Variants in SDK1 observed in about 807,000 individuals in gnomAD.
SDK1 encodes protein sidekick-1.
Under a neutral mutation model 245.5 loss-of-function variants are expected in SDK1, and 157 were observed. That is an observed-to-expected ratio of 0.64 (90% CI 0.56 to 0.73). The LOEUF (loss-of-function observed/expected upper bound fraction) is 0.73. Among genes scored for constraint, SDK1 ranks in the 30% least tolerant of loss-of-function variants. The pLI is 0.00. For missense variants in SDK1, 3,583 were observed against 3,002.3 expected (o/e 1.19, Z -4.52); for synonymous variants, 1,647 against 1,278.5 (o/e 1.29, Z -6.15).
chr7:3,780,361 G>T (rs900795736), intron 4 of SDK1, among the ~76,000 whole-genome samples: 9 of 152,236 alleles, frequency 5.9e-5, no homozygotes, highest in African/African-American at 2.2e-4. Flanking sequence ...AGGAGAAACA[G>T]CATGGCCACA....
At chr7:3,683,596 T>C (rs1784178691) in intron 4 of SDK1, among the ~76,000 whole-genome samples, 1 of 152,192 alleles carries the variant, frequency 6.6e-6, no homozygotes, top group African/African-American at 2.4e-5. Flanking sequence ...AGCAGCCCCG[T>C]TCCTCCCAGG....
chr7:3,699,488 A>C (rs1784678375), intron 4 of SDK1, among the ~76,000 whole-genome samples: 1 of 152,220 alleles, frequency 6.6e-6, no homozygotes, highest in South Asian at 2.1e-4. Context: ...AAATTTAATA[A>C]ATTCAATTAA....
In SDK1 at chr7:3,646,275, T is replaced by A. The variant is rs543569258; in HGVS notation, c.713+4170T>A. Among the ~76,000 whole-genome samples, 95 of 152,318 alleles carry A rather than the reference T, an allele frequency of 6.2e-4. 2 individuals are homozygous for A. In the South Asian group the frequency reaches 0.019, roughly 31 times the overall value. ...ACCTCCATGTTTAAACATTACCTCA[T>A]TATCTGCCTTTAAAATGTGGGCTTT... On this transcript the variant is annotated intron_variant, in intron 4 of 44. Coordinates refer to ENST00000404826, the MANE Select transcript of SDK1 (RefSeq NM_152744.4).
At chr7:3,592,288 A>T (rs1232255804) in intron 1 of SDK1, among the ~76,000 whole-genome samples, 1 of 152,232 alleles carries the variant, frequency 6.6e-6, no homozygotes, top group Admixed American at 6.5e-5. Context: ...TGCCATTTAA[A>T]AATATAATTG....
chr7:3,652,675 G>A (rs916197365), intron 4 of SDK1, among the ~76,000 whole-genome samples: 1 of 152,170 alleles, frequency 6.6e-6, no homozygotes, highest in African/African-American at 2.4e-5. Flanking sequence ...CAGACTTATG[G>A]GGACTTTTGA....
At chr7:4,258,420 T>A (rs1314972204) in intron 44 of SDK1, among the ~76,000 whole-genome samples, 3 of 152,188 alleles carry the variant, frequency 2.0e-5, no homozygotes, top group Non-Finnish European at 2.9e-5. Flanking sequence ...CTAACTGAAT[T>A]CGTAGCATGC....
chr7:3,367,150 T>A (rs1051216011), intron 1 of SDK1, among the ~76,000 whole-genome samples: 4 of 149,052 alleles, frequency 2.7e-5, no homozygotes, highest in African/African-American at 5.2e-5. Flanking sequence ...AATTTTATTT[T>A]ATTTATTTAT....
Position 3,951,933 on chromosome 7 carries a change from C to A in SDK1, c.1150+13C>A. 6.2e-7 allele frequency: 1 copy of A among 1,607,664 alleles called. No homozygotes were observed. Among genetic ancestry groups the A allele is most frequent in the Non-Finnish European group, 8.5e-7 (1 of 1,178,382 alleles). On this transcript the variant is annotated intron_variant, in intron 7 of 44. Coordinates refer to ENST00000404826, the MANE Select transcript of SDK1 (RefSeq NM_152744.4). The stretch of plus-strand genomic sequence containing the variant: ...CTTTTCATCATAGGTAATGCGGGAG[C>A]CTCTAAGTGGTGTTGCCAGCATCTC...
At chr7:4,232,747 G>C (rs1197684079) in intron 40 of SDK1, 1 of 152,610 alleles carries the variant, frequency 6.6e-6, no homozygotes, top group African/African-American at 2.4e-5. Context: ...ACAGGCATGA[G>C]CCACCATGCC....
intron 1 of SDK1, among the ~76,000 whole-genome samples, chr7:3,358,817 A>G (rs1210798792): frequency 6.6e-6 from 1 of 152,230 alleles, no homozygotes; most frequent in African/African-American, 2.4e-5. Flanking sequence ...GGTTTCAAGC[A>G]TTTAATAAAT....
At chr7:4,235,286 C>G (rs1463404301) in intron 41 of SDK1, among the ~76,000 whole-genome samples, 6 of 152,084 alleles carry the variant, frequency 3.9e-5, no homozygotes, top group Non-Finnish European at 7.4e-5. Flanking sequence ...TGCCTCAGCT[C>G]GCAAGCAGCT....
chr7:3,682,852 C>T (rs1308003455), intron 4 of SDK1, among the ~76,000 whole-genome samples: 2 of 152,016 alleles, frequency 1.3e-5, no homozygotes, highest in East Asian at 3.9e-4. Context: ...GATTCTCCTG[C>T]CTCAGCCTCC....
intron 4 of SDK1, among the ~76,000 whole-genome samples, chr7:3,720,986 C>T (rs183299458): frequency 6.6e-6 from 1 of 152,170 alleles, no homozygotes; most frequent in South Asian, 2.1e-4. Context: ...TGAGAAAAGC[C>T]AATCTCAAAT....
At chr7:4,119,541 C>A (rs1450984860) in intron 25 of SDK1, among the ~76,000 whole-genome samples, 1 of 148,634 alleles carries the variant, frequency 6.7e-6, no homozygotes, top group Non-Finnish European at 1.5e-5. Context: ...TATCTTCTTA[C>A]CCTCAGGGAA....
intron 4 of SDK1, among the ~76,000 whole-genome samples, chr7:3,753,809 G>A (rs558518352): frequency 6.6e-6 from 1 of 152,222 alleles, no homozygotes; most frequent in South Asian, 2.1e-4. Flanking sequence ...TAAAAGGCAT[G>A]TTTCCACGTA....
In SDK1 at chr7:3,563,931, TTAAA is replaced by T. The variant is rs144205656; in HGVS notation, c.299-55145_299-55142del. On this transcript the variant is annotated intron_variant, in intron 1 of 44. Coordinates refer to ENST00000404826, the MANE Select transcript of SDK1 (RefSeq NM_152744.4). Reference sequence around the variant, plus strand: ...CCAAAAAACCGCTTGTGGTTACAAATTAAATAACATATTTCTAAATAGCTATTGA... The same window carrying T: ...CCAAAAAACCGCTTGTGGTTACAAATTAACATATTTCTAAATAGCTATTGA... 4.0e-4 allele frequency among the ~76,000 whole-genome samples: 61 copies of T among 152,130 alleles called. 2 individuals carry two copies. The East Asian group carries it at 9.6e-3, about 24-fold the overall frequency.
chr7:3,958,528 A>G (rs572359384), intron 7 of SDK1, among the ~76,000 whole-genome samples: 4 of 152,352 alleles, frequency 2.6e-5, no homozygotes, highest in East Asian at 1.9e-4. Flanking sequence ...CTGTTGCCCA[A>G]TACAGGCTGC....
chr7:3,954,764 G>T (rs897685885), intron 7 of SDK1, among the ~76,000 whole-genome samples: 12 of 150,630 alleles, frequency 8.0e-5, no homozygotes, highest in African/African-American at 2.9e-4. Flanking sequence ...GATGGTACCA[G>T]CTCATATTGT....
intron 1 of SDK1, among the ~76,000 whole-genome samples, chr7:3,330,460 G>C (rs1308795991): frequency 1.3e-5 from 2 of 152,148 alleles, no homozygotes; most frequent in African/African-American, 4.8e-5. Context: ...ATTAGGATTA[G>C]ATAAAGGTCA....
Sources: allele counts gnomAD v4.1 joint callset (sites outside exome capture counted in the v4.1 genomes callset), GRCh38; gene constraint gnomAD v4.1.1; transcripts MANE v1.5; gene names NCBI Gene and HGNC (gene_info 2026-07-23, HGNC 2026-07-21).